The following DMC1 variants were observed in gnomAD, a reference collection of about 807,000 sequenced individuals.
DMC1 encodes the protein meiotic recombination protein DMC1 homolog.
Under a neutral mutation model 50.1 loss-of-function variants are expected in DMC1, and 27 were observed. That is an observed-to-expected ratio of 0.54 (90% CI 0.40 to 0.74). DMC1 has a LOEUF of 0.74. Among genes scored for constraint, DMC1 ranks in the 30% least tolerant of loss-of-function variants. The pLI, the probability that DMC1 is intolerant of heterozygous loss-of-function variation, is 0.00. For missense variants in DMC1, 295 were observed against 420.2 expected, an observed-to-expected ratio of 0.70 and a Z score of 2.60; for synonymous variants, 148 against 136.1, an observed-to-expected ratio of 1.09 and a Z score of -0.61.
At chr22:38,521,897 A>G (rs1481538240) in intron 12 of DMC1, among the ~76,000 whole-genome samples, 173 bp from the exon 13 acceptor site, 2 of 152,060 alleles carry the variant, frequency 1.3e-5, no homozygotes, top group East Asian at 1.9e-4. Flanking sequence ...TGGAGCTGCT[A>G]TATACCCCAT....
Position 38,562,318 on chromosome 22 carries a change from A to G in DMC1, c.295T>C (p.Phe99Leu). 1 of 1,612,976 alleles carries G rather than the reference A, an allele frequency of 6.2e-7. No homozygotes were observed. Among genetic ancestry groups the G allele is most frequent in the Non-Finnish European group, 8.5e-7 (1 of 1,179,146 alleles). ...FEYSEKRKMV[F>L]HITTGSQEFD... ...TCCTGGCTCCCGGTGGTGATATGGAAAACCATTTTCCTCTTTTCACTATAC... is the reference window on the plus strand; with the variant it reads ...TCCTGGCTCCCGGTGGTGATATGGAGAACCATTTTCCTCTTTTCACTATAC... The change falls in exon 5 of 14, where the codon TTC becomes CTC. Residue 99 changes from phenylalanine (F) to leucine (L), a missense_variant. Physicochemically the swap from Phe to Leu is conservative, Grantham distance 22. Transcript: ENST00000216024.
intron 7 of DMC1, among the ~76,000 whole-genome samples, chr22:38,551,311 T>C (rs1232360863): frequency 6.6e-6 from 1 of 152,180 alleles, no homozygotes; most frequent in Admixed American, 6.5e-5. Context: ...TAAATTAATG[T>C]ATGTCAAATT....
At chr22:38,512,688 A>G in the DMC1 span, among the ~76,000 whole-genome samples, 1 of 152,174 alleles carries the variant, frequency 6.6e-6, no homozygotes, top group East Asian at 1.9e-4. Flanking sequence ...CCAGTCCCTG[A>G]AGGCGGCACT....
At position 38,521,680 on chromosome 22, in the gene DMC1, G is replaced by C; in HGVS notation, c.881C>G (p.Ala294Gly). Residue 294 changes from alanine to glycine, a missense_variant, in exon 13 of 14, where the codon GCT becomes GGT. Ala to Gly is a moderately conservative substitution (Grantham distance 60, BLOSUM62 0). Transcript: ENST00000216024. ...GCTTATTCTTGTTGTTGAAGCATGA[G>C]CCAGAATGTGTCCCCCAATGGGTTT... Reference protein sequence around the residue: ...PKKPIGGHILAHASTTRISLR... With the variant: ...PKKPIGGHILGHASTTRISLR... The C allele has an allele frequency of 6.2e-7, 1 of 1,613,910 alleles. No homozygotes were observed. Among genetic ancestry groups the C allele is most frequent in the Non-Finnish European group, 8.5e-7 (1 of 1,179,974 alleles).
chr22:38,525,518 G>A (rs937455817), intron 12 of DMC1, among the ~76,000 whole-genome samples: 1 of 152,074 alleles, frequency 6.6e-6, no homozygotes, highest in Non-Finnish European at 1.5e-5. Flanking sequence ...AAAAAGAATA[G>A]AGACAATTGC....
chr22:38,538,259 CAT>C (rs2090237960), intron 11 of DMC1, 34 bp downstream of exon 11: 2 of 1,541,840 alleles, frequency 1.3e-6, no homozygotes, highest in African/African-American at 1.4e-5. Context: ...ACTTGACAAA[CAT>C]AGTCACAGAT....
At chr22:38,548,820 T>C (rs1422570890) in intron 8 of DMC1, among the ~76,000 whole-genome samples, 1 of 151,906 alleles carries the variant, frequency 6.6e-6, no homozygotes, top group Non-Finnish European at 1.5e-5. Flanking sequence ...CCAGCCTGGG[T>C]GATGGAGAAA....
intron 12 of DMC1, among the ~76,000 whole-genome samples, chr22:38,523,536 T>C (rs1424252167): frequency 6.6e-6 from 1 of 152,192 alleles, no homozygotes; most frequent in African/African-American, 2.4e-5. Flanking sequence ...TATTTACTTA[T>C]TGTATTCCTT....
intron 12 of DMC1, 129 bp downstream of exon 12, chr22:38,537,463 C>T: frequency 1.2e-6 from 1 of 806,140 alleles, no homozygotes; most frequent in South Asian, 1.4e-5. Context: ...CCGCCTGCCT[C>T]AGCCTGCTAA....
At chr22:38,537,493 T>G in intron 12 of DMC1, 99 bp downstream of exon 12, 3 of 1,128,828 alleles carry the variant, frequency 2.7e-6, no homozygotes, top group Non-Finnish European at 4.0e-6. Context: ...ATTACAGGCG[T>G]GAGCCACCGT....
chr22:38,555,539 T>G, intron 5 of DMC1, 130 bp from the exon 6 acceptor site: 1 of 637,916 alleles, frequency 1.6e-6, no homozygotes, highest in Non-Finnish European at 2.8e-6. Context: ...TACCTATCTA[T>G]CTACAGAACA....
intron 8 of DMC1, among the ~76,000 whole-genome samples, chr22:38,541,286 T>A (rs931387256): frequency 1.1e-4 from 16 of 152,310 alleles, no homozygotes; most frequent in African/African-American, 3.8e-4. Flanking sequence ...TATATATTTT[T>A]AAAAATTTTT....
downstream of DMC1, among the ~76,000 whole-genome samples, chr22:38,514,940 T>C (rs1212243160): frequency 2.8e-5 from 4 of 144,014 alleles, no homozygotes; most frequent in Non-Finnish European, 4.5e-5. Context: ...AGCCATTTTT[T>C]TATTCTTTTT....
downstream of DMC1, among the ~76,000 whole-genome samples, chr22:38,515,040 G>C (rs1055651665): frequency 3.6e-5 from 5 of 140,706 alleles, no homozygotes; most frequent in African/African-American, 5.3e-5. Context: ...GCTAATTATT[G>C]TATTTTTAGT....
intron 12 of DMC1, among the ~76,000 whole-genome samples, chr22:38,536,775 T>G (rs1424237123): frequency 6.6e-6 from 1 of 152,320 alleles, no homozygotes; most frequent in Non-Finnish European, 1.5e-5. Flanking sequence ...TGCTTTATTC[T>G]ATAAAGAACT....
At chr22:38,534,944 T>G (rs140323689) in intron 12 of DMC1, among the ~76,000 whole-genome samples, 4,984 of 151,496 alleles carry the variant, frequency 0.033, 102 homozygotes, top group African/African-American at 0.054. Flanking sequence ...AGGTGGAGGT[T>G]GCAGTGAGCT....
At chr22:38,530,752 AT>A (rs1435086733) in intron 12 of DMC1, among the ~76,000 whole-genome samples, 21 of 152,318 alleles carry the variant, frequency 1.4e-4, no homozygotes, top group Admixed American at 1.4e-3. Flanking sequence ...CTCTTAATTT[AT>A]GCTAATGATG....
intron 1 of DMC1, 127 bp downstream of exon 1, chr22:38,569,916 G>C (rs887420228): frequency 6.6e-6 from 1 of 152,292 alleles, no homozygotes; most frequent in Non-Finnish European, 1.5e-5. Flanking sequence ...CCTCCCCAAA[G>C]GTCGGAGCGG....
chr22:38,560,036 T>A (rs1275515875), intron 5 of DMC1, among the ~76,000 whole-genome samples: 2 of 150,408 alleles, frequency 1.3e-5, no homozygotes, highest in Non-Finnish European at 3.0e-5. Context: ...AATAAATAAA[T>A]AAAATAAAAA....
Sources: gnomAD v4.1 joint callset for allele counts (sites outside exome capture counted in the v4.1 genomes callset) on GRCh38, gnomAD v4.1.1 for gene constraint, MANE v1.5 for transcripts, NCBI Gene and HGNC (gene_info 2026-07-23, HGNC 2026-07-21) for gene names.